Variants in TBC1D25 observed in about 807,000 individuals in gnomAD.
The protein encoded by TBC1D25 is 5SN3 snoRNA.
Under a neutral mutation model 38.8 loss-of-function variants are expected in TBC1D25, and 13 were observed. That is an observed-to-expected ratio of 0.34 (90% CI 0.22 to 0.53). The LOEUF (loss-of-function observed/expected upper bound fraction) is 0.53. Ranked by LOEUF, TBC1D25 falls within the 20% of genes least tolerant of loss-of-function variation. The pLI is 0.94. For missense variants in TBC1D25, 372 were observed against 600.0 expected (o/e 0.62, Z 3.97); for synonymous variants, 225 against 255.6 (o/e 0.88, Z 1.14).
In TBC1D25 at chrX:48,562,532, G is replaced by A. The variant is rs1380475299; in HGVS notation, c.*1557G>A. On this transcript the variant is annotated 3_prime_UTR_variant, in exon 6 of 6. Coordinates refer to ENST00000376771, the MANE Select transcript of TBC1D25 (RefSeq NM_002536.4). ...GGAAATGGGCTCAGACTCCCCAAAG[G>A]GCCATCCAACCTATGGGAGTGTCTG... 1 of 111,711 alleles carries A rather than the reference G, an allele frequency of 9.0e-6. No homozygotes were observed. The highest frequency in any genetic ancestry group is 1.9e-5 in the Non-Finnish European group (1 of 53,136). 9.2% of individuals were successfully genotyped at this position (111,711 alleles called of 1,213,427 possible).
At chrX:48,556,811 C>T (rs909579250) in intron 3 of TBC1D25, among the ~76,000 whole-genome samples, 6 of 108,279 alleles carry the variant, frequency 5.5e-5, no homozygotes, top group Non-Finnish European at 1.1e-4. Flanking sequence ...GTAGCCCTCT[C>T]GTATCAGGGC....
rs782624806 is a variant in TBC1D25, at chrX:48,561,864, CT to C, written c.*890del. The C allele has an allele frequency of 8.9e-6, 1 of 112,563 alleles. No individual in the cohort carries two copies. Among genetic ancestry groups the C allele is most frequent in the East Asian group, 2.8e-4 (1 of 3,579 alleles). The allele number at this position is 112,563 out of a possible 1,213,427, so 9.3% of individuals were successfully genotyped here. On this transcript the variant is annotated 3_prime_UTR_variant, in exon 6 of 6. Coordinates refer to ENST00000376771, the MANE Select transcript of TBC1D25 (RefSeq NM_002536.4). ...TTTGAAAGACTGGCCTAGCCCATGC[CT>C]AGCGGCCCTAAACTGGGATTCCAGC...
In TBC1D25 at chrX:48,539,813, G is replaced by A. The variant is rs1430699440; in HGVS notation, c.16G>A (p.Gly6Arg). Residue 6 changes from glycine to arginine, a missense_variant, in exon 1 of 6, where the codon GGG (glycine) becomes AGG (arginine). This residue lies in a region of TBC1D25 where 60 missense variants were observed against 50.7 expected (regional missense o/e 1.18). Coordinates refer to ENST00000376771, the MANE Select transcript of TBC1D25 (RefSeq NM_002536.4). ...CGGCGGCGGGATGGCAACAGCCTCC[G>A]GGGCCTCGGACTTGTCTGGCTCCGG... MATAS[G>R]ASDLSGSGAP... The A allele has an allele frequency of 1.9e-5, 18 of 962,547 alleles. No homozygotes were observed. Among genetic ancestry groups the A allele is most frequent in the Admixed American group, 5.8e-5 (1 of 17,277 alleles). 79.3% of individuals were successfully genotyped at this position (962,547 alleles called of 1,213,427 possible).
Position 48,545,009 on chromosome X carries a change from G to A in TBC1D25, c.374G>A (p.Arg125Gln), listed in dbSNP as rs781829758. Residue 125 changes from arginine (R) to glutamine (Q), a missense_variant, in exon 3 of 6, where the codon CGG (arginine) becomes CAG (glutamine). By Grantham distance (43) the Arg-to-Gln change is conservative. Transcript: ENST00000376771. ...KPYLQLRVDI[R>Q]PSEDSPLLED... ...TACCTGCAATTGCGTGTAGATATTC[G>A]GCCCTCGGAGGACAGTGAGTACTCA... 12 of 1,209,680 alleles carry A rather than the reference G, an allele frequency of 9.9e-6. No individual in the cohort carries two copies. Among genetic ancestry groups the A allele is most frequent in the Middle Eastern group, 2.3e-4 (1 of 4,349 alleles).
chrX:48,560,678 G>A lies in TBC1D25; in HGVS notation c.1770G>A (p.Pro590=), dbSNP rs782167530. 14 of 1,211,566 alleles carry A rather than the reference G, an allele frequency of 1.2e-5. No homozygotes were observed. The highest frequency in any genetic ancestry group is 4.6e-4 in the Middle Eastern group (2 of 4,354). ...CCTTGATGCAAGAGGTAGGCTCCCC[G>A]AAAGACCCTGGAAAGTCCCTGCCAC... ...GSPLMQEVGS[P]KDPGKSLPPV... The change falls in exon 6 of 6, where the codon CCG becomes CCA. Residue 590 remains proline, a synonymous_variant. Coordinates refer to ENST00000376771, the MANE Select transcript of TBC1D25 (RefSeq NM_002536.4).
rs781912824 is a variant in TBC1D25 at position 48,539,764 on chromosome X, G to T, written c.-34G>T. 1 of 950,601 alleles carries T rather than the reference G, an allele frequency of 1.1e-6. No individual in the cohort carries two copies. The allele number at this position is 950,601 out of a possible 1,213,427, so 78.3% of individuals were successfully genotyped here. A position where few individuals can be genotyped will look rare whatever the true frequency, so the allele number is the denominator to read the frequency against. On this transcript the variant is annotated 5_prime_UTR_variant, in exon 1 of 6. Transcript: ENST00000376771. The stretch of plus-strand genomic sequence containing the variant: ...AGTGTGCGCCGGGGTGGGGGGCAAC[G>T]GTCAGCCGTCACCCTGAGACGGGCG...
intron 3 of TBC1D25, among the ~76,000 whole-genome samples, chrX:48,550,516 G>A (rs1239331104): frequency 4.7e-5 from 5 of 106,693 alleles, no homozygotes; most frequent in Middle Eastern, 4.7e-3. Context: ...TCGCTCTGTC[G>A]CCCAGGCTGG....
chrX:48,553,013 C>T (rs1251486335), intron 3 of TBC1D25, among the ~76,000 whole-genome samples: 2 of 109,366 alleles, frequency 1.8e-5, no homozygotes, highest in African/African-American at 6.6e-5. Flanking sequence ...TGGTCTTGAA[C>T]TCCTGACCTC....
Position 48,553,625 on chromosome X carries a change from T to C in TBC1D25, c.389-5272T>C, listed in dbSNP as rs988258760. Among the ~76,000 whole-genome samples, 5 of 95,361 alleles carry C rather than the reference T, an allele frequency of 5.2e-5. No individual in the cohort carries two copies. In the East Asian group the frequency reaches 1.6e-3, roughly 31 times the overall value. The allele number at this position is 95,361 out of a possible 115,157, so 82.8% of individuals were successfully genotyped here. ...AAGAGTTTTTCTTTTTCTTTTTTTTTTTTTTTTTTTTTTGAGGCAGGATCT... is the reference window on the plus strand; with the variant it reads ...AAGAGTTTTTCTTTTTCTTTTTTTTCTTTTTTTTTTTTTGAGGCAGGATCT... On this transcript the variant is annotated intron_variant, in intron 3 of 5. Transcript: ENST00000376771.
In TBC1D25 at chrX:48,560,765, G is replaced by A. The variant is rs924283776; in HGVS notation, c.1857G>A (p.Leu619=). ...QEFGRGNPFM[L]FLCLAILLEH... is the part of the protein sequence containing the mutation. ...TTGGCCGGGGGAACCCATTCATGCT[G>A]TTCCTCTGCCTGGCCATCCTGCTGG... Residue 619 remains leucine, a synonymous_variant, in exon 6 of 6, where the codon CTG becomes CTA. Coordinates refer to ENST00000376771, the MANE Select transcript of TBC1D25 (RefSeq NM_002536.4). 2.5e-6 allele frequency: 3 copies of A among 1,211,678 alleles called. No homozygotes were observed. The highest frequency in any genetic ancestry group is 4.3e-5 in the Admixed American group (2 of 46,070).
intron 1 of TBC1D25, among the ~76,000 whole-genome samples, 198 bp downstream of exon 1, chrX:48,540,118 G>C (rs2061826923): frequency 9.0e-6 from 1 of 110,716 alleles, no homozygotes; most frequent in Admixed American, 9.6e-5. Context: ...TGGGGCGTGG[G>C]ACTGAAAATA....
At chrX:48,541,222 C>T (rs2061836006) in intron 1 of TBC1D25, 111 bp from the exon 2 acceptor site, 1 of 645,221 alleles carries the variant, frequency 1.5e-6, no homozygotes, top group Admixed American at 2.3e-5. Context: ...GAACACCTGC[C>T]TTGATCTGGC....
chrX:48,561,057 C>G lies in TBC1D25; in HGVS notation c.*82C>G, dbSNP rs1300940063. The G allele has an allele frequency of 9.6e-7, 1 of 1,037,171 alleles. No homozygotes were observed. The highest frequency in any genetic ancestry group is 1.3e-6 in the Non-Finnish European group (1 of 788,534). The allele number at this position is 1,037,171 out of a possible 1,213,427, so 85.5% of individuals were successfully genotyped here. A position where few individuals can be genotyped will look rare whatever the true frequency, so the allele number is the denominator to read the frequency against. On this transcript the variant is annotated 3_prime_UTR_variant, in exon 6 of 6. Coordinates refer to ENST00000376771, the MANE Select transcript of TBC1D25 (RefSeq NM_002536.4). ...GGCCAACACATGAGACCCCACCTCC[C>G]TCCCTGCCTGCCAGCCCTAGACTTG...
intron 1 of TBC1D25, 100 bp downstream of exon 1, chrX:48,540,020 ATAACCTGAGCG>A (rs1238308258): frequency 8.7e-6 from 8 of 922,658 alleles, no homozygotes; most frequent in Non-Finnish European, 1.1e-5. Context: ...GATTTCGGAC[ATAACCTGAGCG>A]GCGAAGCTTG....
chrX:48,549,725 T>G (rs2061913929), intron 3 of TBC1D25, among the ~76,000 whole-genome samples: 1 of 112,345 alleles, frequency 8.9e-6, no homozygotes, highest in African/African-American at 3.2e-5. Flanking sequence ...GGTATCGAAT[T>G]CCTGATCTCA....
At chrX:48,546,604 C>T (rs1285144692) in intron 3 of TBC1D25, among the ~76,000 whole-genome samples, 1 of 112,102 alleles carries the variant, frequency 8.9e-6, no homozygotes, top group African/African-American at 3.2e-5. Flanking sequence ...TAAAGGCCCC[C>T]ACCTCTTAAT....
chrX:48,543,879 G>T (rs1272656980), intron 2 of TBC1D25, among the ~76,000 whole-genome samples: 4 of 70,685 alleles, frequency 5.7e-5, no homozygotes, highest in African/African-American at 3.0e-4. Flanking sequence ...GTGAGACTCC[G>T]TCTCAAAAAA....
intron 3 of TBC1D25, among the ~76,000 whole-genome samples, chrX:48,548,236 C>T (rs1465603875): frequency 2.8e-5 from 3 of 108,550 alleles, no homozygotes; most frequent in African/African-American, 1.0e-4. Flanking sequence ...CCACGTCAGC[C>T]TCCTGAGTAG....
intron 3 of TBC1D25, among the ~76,000 whole-genome samples, chrX:48,551,896 A>G (rs1556983360): frequency 9.0e-6 from 1 of 111,297 alleles, no homozygotes; most frequent in Non-Finnish European, 1.9e-5. Context: ...CTGGGATTAC[A>G]GACGTGAGCC....
Sources: allele counts gnomAD v4.1 joint callset (sites outside exome capture counted in the v4.1 genomes callset), GRCh38; gene constraint gnomAD v4.1.1; regional missense constraint gnomAD v4.1.1; transcripts MANE v1.5; gene names NCBI Gene and HGNC (gene_info 2026-07-23, HGNC 2026-07-21).